ERBB4: variants seen among roughly 807,000 people sequenced by gnomAD.
The protein encoded by ERBB4 is erb-b2 receptor tyrosine kinase 4.
Under a neutral mutation model 158.0 loss-of-function variants are expected in ERBB4, and 42 were observed. That is an observed-to-expected ratio of 0.27 (90% CI 0.21 to 0.34). The LOEUF is 0.34. Ranked by LOEUF, ERBB4 falls within the 10% of genes least tolerant of loss-of-function variation. ERBB4 has a pLI of 1.00. For synonymous variants in ERBB4, 583 were observed against 558.7 expected, an observed-to-expected ratio of 1.04 and a Z score of -0.61; for missense variants, 1,333 against 1,624.1, an observed-to-expected ratio of 0.82 and a Z score of 3.08.
At chr2:212,339,874 G>A (rs1418735932) in intron 1 of ERBB4, among the ~76,000 whole-genome samples, 1 of 151,962 alleles carries the variant, frequency 6.6e-6, no homozygotes, top group Admixed American at 6.6e-5. Context: ...GGGAAAAAGA[G>A]AAAATTATTA....
In ERBB4 at chr2:211,453,347, G is replaced by A. The variant is rs537813931; in HGVS notation, c.2488-22247C>T. On this transcript the variant is annotated intron_variant, in intron 20 of 27. Coordinates refer to ENST00000342788, the MANE Select transcript of ERBB4 (RefSeq NM_005235.3). ...AGTAGATATTACTCAGGGTCACTACGTAACACAACTCCACAGAGCATTATT... is the reference window on the plus strand; with the variant it reads ...AGTAGATATTACTCAGGGTCACTACATAACACAACTCCACAGAGCATTATT... 5.3e-5 allele frequency among the ~76,000 whole-genome samples: 8 copies of A among 152,132 alleles called. No homozygotes were observed. In the East Asian group the frequency reaches 5.8e-4, roughly 11 times the overall value.
chr2:212,375,418 CAAAT>C (rs1186564831), intron 1 of ERBB4, among the ~76,000 whole-genome samples: 1 of 152,042 alleles, frequency 6.6e-6, no homozygotes, highest in African/African-American at 2.4e-5. Context: ...CTTTTAACAA[CAAAT>C]AAAATTGTAA....
At chr2:211,773,171 C>T (rs60763002) in intron 4 of ERBB4, among the ~76,000 whole-genome samples, 21,889 of 150,072 alleles carry the variant, frequency 0.15, 1,801 homozygotes, top group South Asian at 0.33. Context: ...TGTGACATGA[C>T]GGGAGTCCTT....
At chr2:212,488,402 G>A (rs757867462) in intron 1 of ERBB4, among the ~76,000 whole-genome samples, 26 of 150,692 alleles carry the variant, frequency 1.7e-4, no homozygotes, top group Non-Finnish European at 3.0e-4. Flanking sequence ...CATCCCTCTA[G>A]TTTTAACCTC....
chr2:211,543,621 A>G (rs1336617028), intron 20 of ERBB4, among the ~76,000 whole-genome samples: 1 of 151,946 alleles, frequency 6.6e-6, no homozygotes, highest in African/African-American at 2.4e-5. Context: ...GGAGAATCTC[A>G]GTATTTGAGT....
chr2:212,245,024 A>G (rs890692753), intron 1 of ERBB4, among the ~76,000 whole-genome samples: 1 of 152,128 alleles, frequency 6.6e-6, no homozygotes, highest in Admixed American at 6.6e-5. Flanking sequence ...CAGGATTTGA[A>G]TCACAGTTAT....
At chr2:212,253,433 T>C (rs1428439951) in intron 1 of ERBB4, among the ~76,000 whole-genome samples, 1 of 152,252 alleles carries the variant, frequency 6.6e-6, no homozygotes, top group Admixed American at 6.6e-5. Context: ...TTCCATTACA[T>C]TAAAAAAACC....
chr2:211,534,467 T>A (rs575334148), intron 20 of ERBB4, among the ~76,000 whole-genome samples: 45 of 152,220 alleles, frequency 3.0e-4, no homozygotes, highest in African/African-American at 9.9e-4. Flanking sequence ...ACATAAACCC[T>A]ACATCCTCTT....
chr2:212,059,175 T>G (rs999213579), intron 2 of ERBB4, among the ~76,000 whole-genome samples: 10 of 152,048 alleles, frequency 6.6e-5, no homozygotes, highest in African/African-American at 2.2e-4. Context: ...AAATCATGAG[T>G]GAACTCCCAT....
At chr2:211,527,656 A>C (rs923872831) in intron 20 of ERBB4, among the ~76,000 whole-genome samples, 1 of 152,090 alleles carries the variant, frequency 6.6e-6, no homozygotes, top group Admixed American at 6.5e-5. Context: ...TCTTCAAGAC[A>C]TAGGCAGTAT....
At chr2:211,546,032 T>C (rs904217933) in intron 20 of ERBB4, among the ~76,000 whole-genome samples, 5 of 152,102 alleles carry the variant, frequency 3.3e-5, no homozygotes, top group Admixed American at 3.3e-4. Context: ...ATTTTGTTCA[T>C]ATTTTACCTT....
chr2:211,849,362 T>C (rs762791352), intron 3 of ERBB4, among the ~76,000 whole-genome samples: 1 of 152,020 alleles, frequency 6.6e-6, no homozygotes, highest in Non-Finnish European at 1.5e-5. Context: ...ATTTGTACTT[T>C]TATTGTATAT....
chr2:211,987,425 G>T (rs1450065561), intron 2 of ERBB4, among the ~76,000 whole-genome samples: 1 of 151,240 alleles, frequency 6.6e-6, no homozygotes, highest in African/African-American at 2.4e-5. Context: ...ATAAATTGAG[G>T]TCTTTTAAAA....
chr2:212,080,307 G>A (rs965959047), intron 2 of ERBB4, among the ~76,000 whole-genome samples: 2 of 149,400 alleles, frequency 1.3e-5, no homozygotes, highest in Non-Finnish European at 3.0e-5. Flanking sequence ...GCCAGACTCC[G>A]TCTCAAAAAA....
At chr2:211,693,990 C>T (rs1287128199) in intron 12 of ERBB4, among the ~76,000 whole-genome samples, 7 of 152,054 alleles carry the variant, frequency 4.6e-5, no homozygotes, top group African/African-American at 1.4e-4. Flanking sequence ...CTTCACATGG[C>T]GTTCTCATTT....
At position 211,693,712 on chromosome 2, in the gene ERBB4, C is replaced by T. The variant is rs114726485; in HGVS notation, c.1489+8255G>A. ...TCCCACCCCACTGTCTGTGTTAGTT[C>T]CATAGAAATAGTGTAACAAACTGCC... On this transcript the variant is annotated intron_variant, in intron 12 of 27. Transcript: ENST00000342788. 1.6e-3 allele frequency among the ~76,000 whole-genome samples: 236 copies of T among 152,238 alleles called. 2 individuals are homozygous for T. Among genetic ancestry groups the T allele is most frequent in the African/African-American group, 5.5e-3 (228 of 41,550 alleles).
intron 1 of ERBB4, among the ~76,000 whole-genome samples, chr2:212,143,814 G>A (rs1437121861): frequency 6.6e-6 from 1 of 151,946 alleles, no homozygotes; most frequent in African/African-American, 2.4e-5. Flanking sequence ...TCAGGAGTTC[G>A]AGACTAGCTT....
intron 20 of ERBB4, among the ~76,000 whole-genome samples, chr2:211,455,528 A>C (rs2064360143): frequency 6.6e-6 from 1 of 152,204 alleles, no homozygotes; most frequent in African/African-American, 2.4e-5. Context: ...AAAAGCTTCA[A>C]ATGTCTATAT....
intron 2 of ERBB4, among the ~76,000 whole-genome samples, chr2:211,987,697 A>G (rs2081973876): frequency 6.6e-6 from 1 of 152,176 alleles, no homozygotes; most frequent in South Asian, 2.1e-4. Context: ...AGACTGGAAC[A>G]GGCAAAAAAA....
Sources: allele counts gnomAD v4.1 joint callset (sites outside exome capture counted in the v4.1 genomes callset), GRCh38; gene constraint gnomAD v4.1.1; transcripts MANE v1.5; gene names NCBI Gene and HGNC (gene_info 2026-07-23, HGNC 2026-07-21).